The following ATP9A variants were observed in gnomAD, a reference collection of about 807,000 sequenced individuals.
ATP9A encodes the protein probable phospholipid-transporting ATPase IIA.
A neutral mutation model predicts 144.1 loss-of-function variants in ATP9A; 52 were observed. The observed-to-expected ratio is 0.36, with a 90% confidence interval of 0.29 to 0.45. The LOEUF (loss-of-function observed/expected upper bound fraction) is 0.45. ATP9A is among the 20% of genes least tolerant of loss of function. ATP9A has a pLI of 1.00. For missense variants in ATP9A, 947 were observed against 1,392.7 expected (o/e 0.68, Z 5.09); for synonymous variants, 582 against 557.4 (o/e 1.04, Z -0.62).
chr20:51,713,840 C>T (rs1415925722), intron 3 of ATP9A, among the ~76,000 whole-genome samples: 3 of 152,232 alleles, frequency 2.0e-5, no homozygotes, highest in East Asian at 3.9e-4. Flanking sequence ...ATTTCTCTGC[C>T]GGGAAGGAGA....
chr20:51,754,524 T>C (rs1365546718), intron 1 of ATP9A, among the ~76,000 whole-genome samples: 2 of 151,248 alleles, frequency 1.3e-5, no homozygotes, highest in Non-Finnish European at 2.9e-5. Context: ...GAAGAATAAA[T>C]TTCTTAGGTC....
intron 22 of ATP9A, among the ~76,000 whole-genome samples, chr20:51,614,291 T>C (rs535184929): frequency 6.6e-6 from 1 of 152,284 alleles, no homozygotes. Context: ...TTCTCTCATT[T>C]TGTATTTTTT....
intron 22 of ATP9A, among the ~76,000 whole-genome samples, chr20:51,616,207 G>A (rs895588795): frequency 6.6e-6 from 1 of 152,130 alleles, no homozygotes; most frequent in East Asian, 1.9e-4. Context: ...GGTAAAGAGG[G>A]GGAAAAAAAG....
intron 14 of ATP9A, among the ~76,000 whole-genome samples, chr20:51,643,349 C>T (rs117720459): frequency 0.025 from 3,793 of 152,204 alleles, 83 homozygotes; most frequent in Non-Finnish European, 0.036. Flanking sequence ...AAAACTCATT[C>T]ACTTAGTTAT....
At chr20:51,685,161 A>T (rs1388882342) in intron 9 of ATP9A, among the ~76,000 whole-genome samples, 2 of 152,244 alleles carry the variant, frequency 1.3e-5, no homozygotes, top group Non-Finnish European at 2.9e-5. Flanking sequence ...AGCCAAACAC[A>T]CTGCTGGCTA....
chr20:51,621,951 G>A (rs2122724408), intron 19 of ATP9A, 123 bp downstream of exon 19: 1 of 813,068 alleles, frequency 1.2e-6, no homozygotes. Flanking sequence ...CGTGGTTGAT[G>A]CTCCCCACCC....
chr20:51,754,051 C>T (rs2077845290), intron 1 of ATP9A, among the ~76,000 whole-genome samples: 1 of 151,816 alleles, frequency 6.6e-6, no homozygotes, highest in South Asian at 2.1e-4. Flanking sequence ...TTTCACTGCT[C>T]CCCTTATAAC....
At chr20:51,712,699 A>G (rs181950330) in intron 4 of ATP9A, among the ~76,000 whole-genome samples, 191 of 152,338 alleles carry the variant, frequency 1.3e-3, no homozygotes, top group African/African-American at 4.4e-3. Context: ...ATGCCAGCAC[A>G]CAAAATGTAA....
intron 1 of ATP9A, among the ~76,000 whole-genome samples, chr20:51,757,548 T>C (rs2077861788): frequency 1.3e-5 from 2 of 152,300 alleles, no homozygotes; most frequent in Middle Eastern, 6.8e-3. Context: ...AGCCTTTCCC[T>C]GCTCGCACAG....
At chr20:51,617,620 G>C (rs945093956) in intron 21 of ATP9A, 66 bp from the exon 22 acceptor site, 1 of 1,547,348 alleles carries the variant, frequency 6.5e-7, no homozygotes. Flanking sequence ...ATGTATGCTT[G>C]TCTTTACCGC....
intron 1 of ATP9A, among the ~76,000 whole-genome samples, chr20:51,755,677 A>G (rs1024540307): frequency 6.6e-6 from 1 of 151,318 alleles, no homozygotes; most frequent in African/African-American, 2.4e-5. Context: ...AAGAATGTTC[A>G]TAGCAGCCGG....
rs1322887169 is a variant in ATP9A at position 51,597,545 on chromosome 20, C to T, written c.*3666G>A. On this transcript the variant is annotated 3_prime_UTR_variant, in exon 28 of 28. Transcript: ENST00000338821. ...TCTCGCTCTTTCACACACACACACA[C>T]CCCCCACACACTTCAAACATACAGA... 2 of 151,932 alleles carry T rather than the reference C, an allele frequency of 1.3e-5. No individual in the cohort carries two copies. The highest frequency in any genetic ancestry group is 2.9e-5 in the Non-Finnish European group (2 of 67,974). The allele number at this position is 151,932 out of a possible 1,614,324, so 9.4% of individuals were successfully genotyped here.
At chr20:51,638,073 A>T (rs1281787149) in intron 15 of ATP9A, among the ~76,000 whole-genome samples, 15 of 8,704 alleles carry the variant, frequency 1.7e-3, no homozygotes, top group South Asian at 8.1e-3. Flanking sequence ...TCATCATTTT[A>T]TATATATATA....
At chr20:51,701,818 A>C (rs1461245424) in intron 4 of ATP9A, among the ~76,000 whole-genome samples, 6 of 152,136 alleles carry the variant, frequency 3.9e-5, no homozygotes, top group African/African-American at 1.4e-4. Context: ...GCTACTGCAG[A>C]GTGCTGTCAA....
At chr20:51,699,883 C>T (rs2077586331) in intron 4 of ATP9A, among the ~76,000 whole-genome samples, 1 of 152,066 alleles carries the variant, frequency 6.6e-6, no homozygotes, top group Admixed American at 6.6e-5. Flanking sequence ...CCTCGTGATC[C>T]ACCCGCCTCG....
chr20:51,714,032 G>A (rs1209564109), intron 3 of ATP9A, among the ~76,000 whole-genome samples: 3 of 149,542 alleles, frequency 2.0e-5, no homozygotes, highest in East Asian at 4.0e-4. Flanking sequence ...TCAGCCTCTC[G>A]AGTAGCTGGG....
At chr20:51,617,654 T>A in intron 21 of ATP9A, 100 bp from the exon 22 acceptor site, 1 of 1,341,862 alleles carries the variant, frequency 7.5e-7, no homozygotes, top group South Asian at 1.3e-5. Flanking sequence ...ACGGAGCGCT[T>A]GCTGAGTGCC....
intron 13 of ATP9A, among the ~76,000 whole-genome samples, chr20:51,664,196 T>G (rs1437601564): frequency 6.6e-6 from 1 of 152,004 alleles, no homozygotes; most frequent in African/African-American, 2.4e-5. Flanking sequence ...GTTTTCCAAG[T>G]ACCTTCCATC....
At chr20:51,614,703 G>A (rs2077196446) in intron 22 of ATP9A, among the ~76,000 whole-genome samples, 1 of 152,156 alleles carries the variant, frequency 6.6e-6, no homozygotes, top group Non-Finnish European at 1.5e-5. Context: ...AATTCCCCTT[G>A]TACAGTGCTC....
Sources: gnomAD v4.1 joint callset for allele counts (sites outside exome capture counted in the v4.1 genomes callset) on GRCh38, gnomAD v4.1.1 for gene constraint, MANE v1.5 for transcripts, NCBI Gene and HGNC (gene_info 2026-07-23, HGNC 2026-07-21) for gene names.